ZFAND6: variants seen among roughly 807,000 people sequenced by gnomAD.
The protein encoded by ZFAND6 is zinc finger AN1-type containing 6, also known as AN1-type zinc finger protein 6.
A neutral mutation model predicts 24.5 loss-of-function variants in ZFAND6; 12 were observed. The ratio of observed to expected loss-of-function variants is 0.49; its 90% CI spans 0.31 to 0.79. The LOEUF (loss-of-function observed/expected upper bound fraction) is 0.79, where lower values mean the gene tolerates loss of function less well. Ranked by LOEUF, ZFAND6 falls within the 30% of genes least tolerant of loss-of-function variation. The probability of loss-of-function intolerance (pLI) is 0.04; values close to 1 mark genes in which losing one functional copy is unlikely to be tolerated. For synonymous variants in ZFAND6, 92 were observed against 81.5 expected (o/e 1.13, Z -0.69); for missense variants, 207 against 245.9 (o/e 0.84, Z 1.06).
chr15:80,096,161 G>C (rs980225681), intron 1 of ZFAND6, among the ~76,000 whole-genome samples: 5 of 152,114 alleles, frequency 3.3e-5, no homozygotes, highest in Non-Finnish European at 7.4e-5. Context: ...GTAAAGAGTT[G>C]GTAATAATAG....
At chr15:80,070,034 C>T (rs1428050839) in intron 1 of ZFAND6, among the ~76,000 whole-genome samples, 1 of 152,122 alleles carries the variant, frequency 6.6e-6, no homozygotes. Flanking sequence ...CCAGTCGTGC[C>T]AGAGAAAATG....
At chr15:80,129,068 T>A (rs1455493633) in intron 5 of ZFAND6, among the ~76,000 whole-genome samples, 1 of 152,184 alleles carries the variant, frequency 6.6e-6, no homozygotes, top group Non-Finnish European at 1.5e-5. Flanking sequence ...GTAGGTTCAT[T>A]TCTGATTGCA....
intron 1 of ZFAND6, among the ~76,000 whole-genome samples, chr15:80,089,756 C>T (rs2038237466): frequency 6.6e-6 from 1 of 152,114 alleles, no homozygotes; most frequent in African/African-American, 2.4e-5. Context: ...CTACTTGAGC[C>T]CTGGACCTTG....
At chr15:80,116,801 G>A (rs915333214) in intron 2 of ZFAND6, among the ~76,000 whole-genome samples, 5 of 152,200 alleles carry the variant, frequency 3.3e-5, no homozygotes, top group South Asian at 2.1e-4. Flanking sequence ...ATCCACTGTC[G>A]TTAGTATTAA....
intron 2 of ZFAND6, among the ~76,000 whole-genome samples, chr15:80,107,197 A>G (rs2039376044): frequency 6.6e-6 from 1 of 152,150 alleles, no homozygotes; most frequent in Admixed American, 6.6e-5. Flanking sequence ...CCTGTGCAAC[A>G]AGAGCAAAAT....
intron 1 of ZFAND6, among the ~76,000 whole-genome samples, chr15:80,077,206 G>A (rs16971714): frequency 1.1e-4 from 16 of 152,078 alleles, no homozygotes; most frequent in Admixed American, 4.6e-4. Context: ...TTCTGCATCC[G>A]GGTGTATAAA....
In ZFAND6 at chr15:80,098,483, A is replaced by G. The variant is rs574155956; in HGVS notation, c.-113A>G. 1 of 152,334 alleles carries G rather than the reference A, an allele frequency of 6.6e-6. No homozygotes were observed. Among genetic ancestry groups the G allele is most frequent in the African/African-American group, 2.4e-5 (1 of 41,578 alleles). The allele number at this position is 152,334 out of a possible 1,614,324, so 9.4% of individuals were successfully genotyped here. ...AAAATGTTTTCTTGCATAAAATTCA[A>G]AACTTTTAAGTAGCTGCTTATGAGA... On this transcript the variant is annotated 5_prime_UTR_variant, in exon 2 of 7. Coordinates refer to ENST00000261749, the MANE Select transcript of ZFAND6 (RefSeq NM_019006.4).
chr15:80,115,304 T>G (rs1041787243), intron 2 of ZFAND6, among the ~76,000 whole-genome samples: 3 of 152,190 alleles, frequency 2.0e-5, no homozygotes, highest in Admixed American at 2.0e-4. Context: ...AAAGTCACAT[T>G]TTATGAATTC....
At position 80,059,770 on chromosome 15, in the gene ZFAND6, G is replaced by C. The variant is rs1023399054; in HGVS notation, c.-220G>C. 6.6e-6 allele frequency: 1 copy of C among 152,120 alleles called. No individual in the cohort carries two copies. Among genetic ancestry groups the C allele is most frequent in the Non-Finnish European group, 1.5e-5 (1 of 68,116 alleles). 9.4% of individuals were successfully genotyped at this position (152,120 alleles called of 1,614,324 possible). A position where few individuals can be genotyped will look rare whatever the true frequency, so the allele number is the denominator to read the frequency against. On this transcript the variant is annotated 5_prime_UTR_variant, in exon 1 of 7. Coordinates refer to ENST00000261749, the MANE Select transcript of ZFAND6 (RefSeq NM_019006.4). ...TACCCATTCACCGGCGGCTACCGGC[G>C]GCGGCGCGCAGCGTGTCAGGCGGAG...
chr15:80,063,729 TTAG>T (rs1368393677), intron 1 of ZFAND6, among the ~76,000 whole-genome samples: 3 of 152,114 alleles, frequency 2.0e-5, no homozygotes, highest in Non-Finnish European at 2.9e-5. Context: ...TTTTGTATTT[TTAG>T]TAGAGAGGGG....
At chr15:80,136,895 A>G (rs761271116) in intron 6 of ZFAND6, among the ~76,000 whole-genome samples, 1 of 152,222 alleles carries the variant, frequency 6.6e-6, no homozygotes, top group Non-Finnish European at 1.5e-5. Flanking sequence ...ACTTATTATT[A>G]TTCCAAAATT....
At chr15:80,063,877 C>T (rs535348097) in intron 1 of ZFAND6, among the ~76,000 whole-genome samples, 1 of 151,930 alleles carries the variant, frequency 6.6e-6, no homozygotes, top group Non-Finnish European at 1.5e-5. Flanking sequence ...TAGTAGAGAC[C>T]GCGTTTCACC....
In ZFAND6 at chr15:80,065,585, G is replaced by A. The variant is rs567759935; in HGVS notation, c.-181+5776G>A. ...TTTGGAGACAGAGTCTTACTCTGTTGCCCAGGCTGGAGTGTGATGGCATGA... is the reference window on the plus strand; with the variant it reads ...TTTGGAGACAGAGTCTTACTCTGTTACCCAGGCTGGAGTGTGATGGCATGA... On this transcript the variant is annotated intron_variant, in intron 1 of 6. Coordinates refer to ENST00000261749, the MANE Select transcript of ZFAND6 (RefSeq NM_019006.4). Among the ~76,000 whole-genome samples, 3 of 108,528 alleles carry A rather than the reference G, an allele frequency of 2.8e-5. No homozygotes were observed. The South Asian group carries it at 9.7e-4, about 35-fold the overall frequency. 71.2% of individuals were successfully genotyped at this position (108,528 alleles called of 152,430 possible).
At chr15:80,134,198 C>T (rs915861261) in intron 6 of ZFAND6, among the ~76,000 whole-genome samples, 1 of 152,114 alleles carries the variant, frequency 6.6e-6, no homozygotes, top group Non-Finnish European at 1.5e-5. Flanking sequence ...CCCTGTTGGC[C>T]AAGCTGGTCC....
Position 80,124,952 on chromosome 15 carries a change from AT to A in ZFAND6, c.364+2153del, listed in dbSNP as rs568674328. On this transcript the variant is annotated intron_variant, in intron 5 of 6. Transcript: ENST00000261749. ...CTTTTTATTATAAACATACACAAAT[AT>A]AAACATGTATGTTTGTATATATGTA... 2.1e-3 allele frequency among the ~76,000 whole-genome samples: 319 copies of A among 152,352 alleles called. 1 individual carries two copies. Among genetic ancestry groups the A allele is most frequent in the African/African-American group, 6.9e-3 (288 of 41,586 alleles).
At chr15:80,112,787 A>G (rs1320258694) in intron 2 of ZFAND6, 1 of 455,942 alleles carries the variant, frequency 2.2e-6, no homozygotes, top group African/African-American at 2.0e-5. Context: ...TGGAGATCCA[A>G]AGGCTCAGAA....
chr15:80,091,584 T>G (rs1366469866), intron 1 of ZFAND6, among the ~76,000 whole-genome samples: 1 of 152,188 alleles, frequency 6.6e-6, no homozygotes, highest in East Asian at 1.9e-4. Flanking sequence ...TATCCTTGAT[T>G]TGCTCTTCTT....
intron 1 of ZFAND6, among the ~76,000 whole-genome samples, chr15:80,068,118 C>T (rs1239441574): frequency 6.6e-6 from 1 of 150,454 alleles, no homozygotes; most frequent in Non-Finnish European, 1.5e-5. Flanking sequence ...AGCACCACCG[C>T]GCCTGGCCTG....
chr15:80,089,133 C>CA (rs1395405090), intron 1 of ZFAND6, among the ~76,000 whole-genome samples: 1 of 151,806 alleles, frequency 6.6e-6, no homozygotes, highest in Non-Finnish European at 1.5e-5. Context: ...TCATAATTGA[C>CA]AACTCCTTCT....
Sources: gnomAD v4.1 joint callset for allele counts (sites outside exome capture counted in the v4.1 genomes callset) on GRCh38, gnomAD v4.1.1 for gene constraint, MANE v1.5 for transcripts, NCBI Gene and HGNC (gene_info 2026-07-23, HGNC 2026-07-21) for gene names.